The following TNFAIP8L3 variants were observed in gnomAD, a reference collection of about 807,000 sequenced individuals.
The protein encoded by TNFAIP8L3 is tumor necrosis factor alpha-induced protein 8-like protein 3.
Under a neutral mutation model 11.8 loss-of-function variants are expected in TNFAIP8L3, and 7 were observed. The observed-to-expected ratio is 0.59, with a 90% confidence interval of 0.34 to 1.11. The LOEUF (loss-of-function observed/expected upper bound fraction) is 1.11. TNFAIP8L3 is among the 50% of genes most tolerant of loss of function. The pLI, the probability that TNFAIP8L3 is intolerant of heterozygous loss-of-function variation, is 0.03. For missense variants in TNFAIP8L3, 219 were observed against 258.6 expected, an observed-to-expected ratio of 0.85 and a Z score of 1.05; for synonymous variants, 98 against 103.8, an observed-to-expected ratio of 0.94 and a Z score of 0.34.
intron 1 of TNFAIP8L3, among the ~76,000 whole-genome samples, chr15:51,060,962 C>A (rs1314845840): frequency 6.6e-6 from 1 of 152,068 alleles, no homozygotes; most frequent in Non-Finnish European, 1.5e-5. Flanking sequence ...ATGGCTAAAC[C>A]CCATCTCTAT....
chr15:51,103,353 T>C (rs906732027), intron 1 of TNFAIP8L3, among the ~76,000 whole-genome samples: 1 of 152,226 alleles, frequency 6.6e-6, no homozygotes, highest in Admixed American at 6.5e-5. Flanking sequence ...ACCTCAAACA[T>C]TATTGCAGAG....
At chr15:51,068,541 G>A (rs2065286495) in intron 1 of TNFAIP8L3, among the ~76,000 whole-genome samples, 3 of 152,018 alleles carry the variant, frequency 2.0e-5, no homozygotes, top group Non-Finnish European at 4.4e-5. Flanking sequence ...CCTTCAAAAT[G>A]CAAACACGTC....
Position 51,057,839 on chromosome 15 carries a change from C to T in TNFAIP8L3, c.*42G>A. The T allele has an allele frequency of 6.7e-7, 1 of 1,489,058 alleles. No homozygotes were observed. The highest frequency in any genetic ancestry group is 9.0e-7 in the Non-Finnish European group (1 of 1,105,182). 92.2% of individuals were successfully genotyped at this position (1,489,058 alleles called of 1,614,324 possible). On this transcript the variant is annotated 3_prime_UTR_variant, in exon 2 of 2. Transcript: ENST00000637513. ...TTCTCACCCAGATCATGGTTGAGTGCTGTAACTTTAAAGCAGCAAAGTCCA... is the reference window on the plus strand; with the variant it reads ...TTCTCACCCAGATCATGGTTGAGTGTTGTAACTTTAAAGCAGCAAAGTCCA...
At chr15:51,084,377 A>G (rs1383536301) in intron 1 of TNFAIP8L3, among the ~76,000 whole-genome samples, 2 of 152,176 alleles carry the variant, frequency 1.3e-5, no homozygotes, top group South Asian at 2.1e-4. Context: ...TATGTATTTA[A>G]TCATTCCATA....
chr15:51,074,926 C>T (rs747390773), intron 1 of TNFAIP8L3, among the ~76,000 whole-genome samples: 2 of 152,232 alleles, frequency 1.3e-5, no homozygotes, highest in Non-Finnish European at 2.9e-5. Context: ...AGCCCTGTTC[C>T]TGTGCTGCAC....
intron 1 of TNFAIP8L3, among the ~76,000 whole-genome samples, chr15:51,082,631 C>T (rs2065400210): frequency 6.6e-6 from 1 of 152,136 alleles, no homozygotes. Context: ...AACTTTTTGA[C>T]TTTTGTTGTA....
chr15:51,101,961 A>G (rs1021942336), intron 1 of TNFAIP8L3, among the ~76,000 whole-genome samples: 12 of 151,766 alleles, frequency 7.9e-5, no homozygotes, highest in African/African-American at 2.4e-4. Context: ...AAAAAAAAAA[A>G]AAAGAAAAGA....
chr15:51,061,096 A>C (rs2065240146), intron 1 of TNFAIP8L3, among the ~76,000 whole-genome samples: 1 of 152,228 alleles, frequency 6.6e-6, no homozygotes, highest in Non-Finnish European at 1.5e-5. Flanking sequence ...AGATCGTGCC[A>C]CTTCACTCTG....
At position 51,094,682 on chromosome 15, in the gene TNFAIP8L3, G is replaced by A; in HGVS notation, c.-87C>T. The stretch of plus-strand genomic sequence containing the variant: ...CGCGGCGCACTCAGGGCGGACAGCG[G>A]GGCGGCTGGAGCCCGGGCGGCGCGG... On this transcript the variant is annotated 5_prime_UTR_variant, in exon 1 of 2. Transcript: ENST00000637513. The surrounding 1 kb of genome is among the most constrained non-coding windows in gnomAD (Gnocchi z 4.4). 1 of 1,189,102 alleles carries A rather than the reference G, an allele frequency of 8.4e-7. No individual in the cohort carries two copies. The highest frequency in any genetic ancestry group is 1.6e-5 in the African/African-American group (1 of 61,866). The allele number at this position is 1,189,102 out of a possible 1,614,324, so 73.7% of individuals were successfully genotyped here.
In TNFAIP8L3 at chr15:51,077,999, C is replaced by T. The variant is rs1433527699; in HGVS notation, c.52+16545G>A. On this transcript the variant is annotated intron_variant, in intron 1 of 1. Coordinates refer to ENST00000637513, the MANE Select transcript of TNFAIP8L3 (RefSeq NM_001311175.2). ...ACCCCGTTTTAGCTGAACTAAGGGG[C>T]AAAAACTTCTGCATCACCTTAACTG... Among the ~76,000 whole-genome samples the T allele has an allele frequency of 2.0e-5, 3 of 152,322 alleles. No homozygotes were observed. In the East Asian group the frequency reaches 5.8e-4, roughly 29 times the overall value.
In TNFAIP8L3 at chr15:51,091,682, A is replaced by G. The variant is rs1159019156; in HGVS notation, c.52+2862T>C. Among the ~76,000 whole-genome samples, 5 of 77,018 alleles carry G rather than the reference A, an allele frequency of 6.5e-5. No homozygotes were observed. In the East Asian group the frequency reaches 2.4e-3, roughly 38 times the overall value. The allele number at this position is 77,018 out of a possible 152,430, so 50.5% of individuals were successfully genotyped here. On this transcript the variant is annotated intron_variant, in intron 1 of 1. Transcript: ENST00000637513. The stretch of plus-strand genomic sequence containing the variant: ...ACTAAAAAGACCTCCTCAAGCACAC[A>G]CACACACACACACACACACACACAC...
chr15:51,077,149 G>T (rs1595612279), intron 1 of TNFAIP8L3, among the ~76,000 whole-genome samples: 2 of 152,256 alleles, frequency 1.3e-5, no homozygotes, highest in South Asian at 2.1e-4. Context: ...TGGGGCCCTT[G>T]ACTCCTCCAT....
At chr15:51,081,721 A>G (rs552154257) in intron 1 of TNFAIP8L3, among the ~76,000 whole-genome samples, 2 of 152,350 alleles carry the variant, frequency 1.3e-5, no homozygotes, top group South Asian at 2.1e-4. Context: ...CTCCTCATCC[A>G]TTCCCTGAGT....
At chr15:51,060,175 C>T (rs1192737233) in intron 1 of TNFAIP8L3, among the ~76,000 whole-genome samples, 1 of 152,216 alleles carries the variant, frequency 6.6e-6, no homozygotes, top group Non-Finnish European at 1.5e-5. Flanking sequence ...TATTCCTGCC[C>T]AGTCTCATCA....
chr15:51,071,035 A>G (rs1595609375), intron 1 of TNFAIP8L3, among the ~76,000 whole-genome samples: 1 of 127,426 alleles, frequency 7.8e-6, no homozygotes, highest in African/African-American at 2.8e-5. Context: ...TGGGCGACAG[A>G]GCGAGACTCC....
chr15:51,062,719 G>C (rs1346040407), intron 1 of TNFAIP8L3, among the ~76,000 whole-genome samples: 1 of 152,142 alleles, frequency 6.6e-6, no homozygotes, highest in African/African-American at 2.4e-5. Flanking sequence ...AAATGAAATA[G>C]CTTATTTTCT....
intron 1 of TNFAIP8L3, among the ~76,000 whole-genome samples, chr15:51,101,310 C>T (rs762016533): frequency 1.3e-5 from 2 of 152,192 alleles, no homozygotes; most frequent in Non-Finnish European, 2.9e-5. Flanking sequence ...ACCTGCATTG[C>T]ATGATCTCCT....
At chr15:51,086,487 G>C (rs1019158742) in intron 1 of TNFAIP8L3, among the ~76,000 whole-genome samples, 3 of 152,230 alleles carry the variant, frequency 2.0e-5, no homozygotes, top group Non-Finnish European at 4.4e-5. Flanking sequence ...TTAGGGTTCT[G>C]GGAACCGTGG....
intron 1 of TNFAIP8L3, among the ~76,000 whole-genome samples, chr15:51,074,172 G>A (rs1235510303): frequency 6.6e-6 from 1 of 152,132 alleles, no homozygotes; most frequent in Non-Finnish European, 1.5e-5. Context: ...CCCATAAAAC[G>A]GATTGAGTAG....
Sources: gnomAD v4.1 joint callset for allele counts (sites outside exome capture counted in the v4.1 genomes callset) on GRCh38, gnomAD v4.1.1 for gene constraint, Gnocchi (gnomAD v3.1) non-coding constraint, MANE v1.5 for transcripts, NCBI Gene and HGNC (gene_info 2026-07-23, HGNC 2026-07-21) for gene names.